The following EHF variants were observed in gnomAD, a reference collection of about 807,000 sequenced individuals.
EHF encodes the protein ESE3 transcription factor.
A neutral mutation model predicts 45.1 loss-of-function variants in EHF; 14 were observed. The observed-to-expected ratio is 0.31, with a 90% CI of 0.21 to 0.49. The LOEUF (loss-of-function observed/expected upper bound fraction) is 0.49. Among genes scored for constraint, EHF ranks in the 20% least tolerant of loss-of-function variants. EHF has a pLI of 0.99. For missense variants in EHF, 282 were observed against 371.4 expected (o/e 0.76, Z 1.98); for synonymous variants, 136 against 131.8 (o/e 1.03, Z -0.22).
intron 2 of EHF, among the ~76,000 whole-genome samples, chr11:34,643,147 C>T (rs1854189200): frequency 6.6e-6 from 1 of 151,808 alleles, no homozygotes; most frequent in Non-Finnish European, 1.5e-5. Context: ...GCAGTTCAAT[C>T]TTTCTTTTTT....
rs1484408166 is a variant in EHF at position 34,649,075 on chromosome 11, CA to C, written c.403del (p.Thr135LeufsTer6). On this transcript the variant is annotated frameshift_variant, in exon 4 of 9. Transcript: ENST00000257831. LOFTEE classifies it high-confidence loss of function. ...STHNVIVKTE[Q>X]TEPSIMNTWK... ...ACACAATGTCATTGTCAAGACTGAA[CA>C]AACTGGTGAGTAGTAGTGGACAAAG... 1 of 1,613,736 alleles carries C rather than the reference CA, an allele frequency of 6.2e-7. No individual in the cohort carries two copies. Among genetic ancestry groups the C allele is most frequent in the Non-Finnish European group, 8.5e-7 (1 of 1,179,884 alleles).
intron 1 of EHF, chr11:34,631,551 C>T: frequency 1.0e-6 from 1 of 984,080 alleles, no homozygotes; most frequent in Non-Finnish European, 1.2e-6. Context: ...TAGGACATCT[C>T]AGGCCCTTTC....
chr11:34,629,235 C>T (rs905155052), intron 1 of EHF, among the ~76,000 whole-genome samples: 1 of 152,194 alleles, frequency 6.6e-6, no homozygotes, highest in African/African-American at 2.4e-5. Flanking sequence ...GAATAATTGG[C>T]TGAAAGGGAT....
intron 3 of EHF, 73 bp downstream of exon 3, chr11:34,646,757 C>G: frequency 4.5e-6 from 7 of 1,572,230 alleles, no homozygotes; most frequent in South Asian, 3.4e-5. Context: ...CTGCAGATGA[C>G]AGGATTCTTT....
chr11:34,652,152 A>G (rs1381880777), intron 6 of EHF, among the ~76,000 whole-genome samples: 1 of 152,248 alleles, frequency 6.6e-6, no homozygotes, highest in Non-Finnish European at 1.5e-5. Context: ...ATAAGGCTAT[A>G]TTTAATTTTC....
Position 34,660,168 on chromosome 11 carries a change from T to C in EHF, c.*1237T>C, listed in dbSNP as rs1042818373. On this transcript the variant is annotated 3_prime_UTR_variant, in exon 9 of 9. Transcript: ENST00000257831. ...AGTTGAAATAGCTAGAGGAGCTTCT[T>C]TTCAGAACCCCAGATGAGAGCCAAT... 6.6e-6 allele frequency: 1 copy of C among 152,156 alleles called. No homozygotes were observed. The highest frequency in any genetic ancestry group is 2.4e-5 in the African/African-American group (1 of 41,436). 9.4% of individuals were successfully genotyped at this position (152,156 alleles called of 1,614,324 possible).
chr11:34,634,753 T>C (rs906317592), intron 1 of EHF, among the ~76,000 whole-genome samples: 1 of 152,202 alleles, frequency 6.6e-6, no homozygotes, highest in African/African-American at 2.4e-5. Flanking sequence ...TGCATGCATA[T>C]GAATATATAT....
Position 34,631,415 on chromosome 11 carries a change from G to A in EHF, c.-4+10187G>A, listed in dbSNP as rs79488065. 6.9e-3 allele frequency: 1,286 copies of A among 187,460 alleles called. 5 individuals are homozygous for A. Among genetic ancestry groups the A allele is most frequent in the Non-Finnish European group, 0.01 (1,012 of 100,250 alleles). 11.6% of individuals were successfully genotyped at this position (187,460 alleles called of 1,614,324 possible). A position where few individuals can be genotyped will look rare whatever the true frequency, so the allele number is the denominator to read the frequency against. The stretch of plus-strand genomic sequence containing the variant: ...CCATTGCTTAATTAATGTTGTTCAT[G>A]ATCTCCATTTGGGCGATTTGTTTAG... On this transcript the variant is annotated intron_variant, in intron 1 of 8. Coordinates refer to ENST00000257831, the MANE Select transcript of EHF (RefSeq NM_012153.6).
chr11:34,633,747 A>G (rs1207488508), intron 1 of EHF, among the ~76,000 whole-genome samples: 4 of 152,130 alleles, frequency 2.6e-5, no homozygotes, highest in Non-Finnish European at 1.5e-5. Context: ...CCTATTCTTA[A>G]TCATATCTGA....
intron 1 of EHF, among the ~76,000 whole-genome samples, chr11:34,634,024 G>A (rs765908464): frequency 1.3e-5 from 2 of 152,262 alleles, no homozygotes; most frequent in South Asian, 2.1e-4. Flanking sequence ...CCCTGGGAAC[G>A]TGAAAAATGT....
At chr11:34,652,482 G>A (rs1438406490) in intron 6 of EHF, among the ~76,000 whole-genome samples, 1 of 152,168 alleles carries the variant, frequency 6.6e-6, no homozygotes, top group Admixed American at 6.5e-5. Flanking sequence ...CTGGGAGAGG[G>A]GATTTCAGAT....
chr11:34,644,567 G>A (rs1026595462), intron 2 of EHF, among the ~76,000 whole-genome samples: 2 of 152,180 alleles, frequency 1.3e-5, no homozygotes, highest in African/African-American at 2.4e-5. Context: ...TATTACTAAC[G>A]GCAGTCACCT....
chr11:34,652,522 G>A (rs2134191059), intron 6 of EHF, among the ~76,000 whole-genome samples: 2 of 152,280 alleles, frequency 1.3e-5, no homozygotes, highest in Admixed American at 1.3e-4. Flanking sequence ...TAGGTGCATT[G>A]GCGTGTACAG....
intron 4 of EHF, among the ~76,000 whole-genome samples, chr11:34,650,431 A>C (rs1025082040): frequency 3.9e-5 from 6 of 152,230 alleles, no homozygotes; most frequent in Non-Finnish European, 7.3e-5. Context: ...GTGTCCAAAC[A>C]TGTAGCTATT....
chr11:34,625,872 G>T (rs574666049), intron 1 of EHF, among the ~76,000 whole-genome samples: 37 of 150,828 alleles, frequency 2.5e-4, no homozygotes, highest in African/African-American at 4.6e-4. Context: ...CTTTTTTTTT[G>T]TTTGTTTTGT....
At chr11:34,632,792 A>G (rs2134019372) in intron 1 of EHF, 1 of 1,030,370 alleles carries the variant, frequency 9.7e-7, no homozygotes, top group Admixed American at 2.1e-5. Flanking sequence ...GTCCTTGTGA[A>G]TAGTCCATCA....
At chr11:34,644,895 C>T (rs545688320) in intron 2 of EHF, among the ~76,000 whole-genome samples, 16 of 152,324 alleles carry the variant, frequency 1.1e-4, no homozygotes, top group Non-Finnish European at 1.8e-4. Context: ...TGGTGATTCA[C>T]GATCACGTTT....
intron 3 of EHF, among the ~76,000 whole-genome samples, chr11:34,647,288 T>C (rs2134147957): frequency 6.6e-6 from 1 of 152,290 alleles, no homozygotes; most frequent in South Asian, 2.1e-4. Context: ...GTATGGGGAA[T>C]GTTTCTGTGG....
chr11:34,658,916 A>T lies in EHF; in HGVS notation c.888A>T (p.Arg296Ser). Residue 296 changes from arginine to serine, a missense_variant, in exon 9 of 9, where the codon AGA becomes AGT. Arg to Ser is a moderately radical substitution (Grantham distance 110). Around this residue, in one of 3 missense-constraint regions of EHF, gnomAD observed 28 missense variants for 37.1 expected, o/e 0.76. Transcript: ENST00000257831. ...TTGGGAAGAATGCCCGAGGATGGAG[A>T]GAAAATGAAAACTGAAGCTGCCAAT... ...YKFGKNARGW[R>S]ENEN The T allele has an allele frequency of 1.2e-6, 2 of 1,612,820 alleles. No individual in the cohort carries two copies. The highest frequency in any genetic ancestry group is 1.7e-6 in the Non-Finnish European group (2 of 1,179,478).
Sources: gnomAD v4.1 joint callset for allele counts (sites outside exome capture counted in the v4.1 genomes callset) on GRCh38, gnomAD v4.1.1 for gene constraint, gnomAD v4.1.1 regional missense constraint, MANE v1.5 for transcripts, NCBI Gene and HGNC (gene_info 2026-07-23, HGNC 2026-07-21) for gene names.